Variants in NR3C1 observed in about 807,000 individuals in gnomAD.
The protein encoded by NR3C1 is nuclear receptor subfamily 3 group C member 1.
NR3C1 carries 14 observed loss-of-function variants against 74.0 expected under a neutral mutation model. The ratio of observed to expected loss-of-function variants is 0.19; its 90% CI spans 0.12 to 0.30. The LOEUF (loss-of-function observed/expected upper bound fraction) is 0.30. NR3C1 is among the 10% of genes least tolerant of loss of function. NR3C1 has a pLI of 1.00. For missense variants in NR3C1, 695 were observed against 909.8 expected, an observed-to-expected ratio of 0.76 and a Z score of 3.04; for synonymous variants, 308 against 332.5, an observed-to-expected ratio of 0.93 and a Z score of 0.80.
chr5:143,305,977 C>A (rs1333690613), intron 4 of NR3C1, among the ~76,000 whole-genome samples: 1 of 151,950 alleles, frequency 6.6e-6, no homozygotes, highest in African/African-American at 2.4e-5. Context: ...TCTGACAATG[C>A]CACAAGACTA....
chr5:143,365,159 C>A (rs189497651), intron 2 of NR3C1, among the ~76,000 whole-genome samples: 1 of 151,986 alleles, frequency 6.6e-6, no homozygotes, highest in African/African-American at 2.4e-5. Context: ...AATTTAAGAA[C>A]AAGAGACACA....
At chr5:143,431,078 T>A (rs1331645605) in intron 1 of NR3C1, among the ~76,000 whole-genome samples, 1 of 152,122 alleles carries the variant, frequency 6.6e-6, no homozygotes, top group African/African-American at 2.4e-5. Context: ...TCTTTGTGGT[T>A]TCATGGGATG....
intron 2 of NR3C1, among the ~76,000 whole-genome samples, chr5:143,330,384 T>C (rs901699457): frequency 6.6e-6 from 1 of 152,192 alleles, no homozygotes. Context: ...ATAAGCAAAA[T>C]AATAGTAAAT....
At position 143,315,576 on chromosome 5, in the gene NR3C1, GTC is replaced by G. The variant is rs559670268; in HGVS notation, c.1185-1410_1185-1409del. Among the ~76,000 whole-genome samples the G allele has an allele frequency of 6.4e-3, 975 of 152,198 alleles. 8 individuals are homozygous for G. Among genetic ancestry groups the G allele is most frequent in the Middle Eastern group, 0.027 (8 of 294 alleles). Reference sequence around the variant, plus strand: ...AATAAACTTAAATTGGGTGTTCGTTGTCTCTGTTATTCTTTATTATCTCTTGC... The same window carrying G: ...AATAAACTTAAATTGGGTGTTCGTTGTCTGTTATTCTTTATTATCTCTTGC... On this transcript the variant is annotated intron_variant, in intron 2 of 8. Coordinates refer to ENST00000394464, the MANE Select transcript of NR3C1 (RefSeq NM_000176.3).
At chr5:143,298,263 G>GGTCC (rs1180961118) in intron 6 of NR3C1, among the ~76,000 whole-genome samples, 6 of 152,094 alleles carry the variant, frequency 3.9e-5, no homozygotes, top group Non-Finnish European at 7.4e-5. Flanking sequence ...CTTGTGTCTG[G>GGTCC]GTCCATATGT....
chr5:143,344,708 A>G (rs1036260747), intron 2 of NR3C1, among the ~76,000 whole-genome samples: 1 of 152,094 alleles, frequency 6.6e-6, no homozygotes, highest in African/African-American at 2.4e-5. Flanking sequence ...CCTTGTCTCT[A>G]CTAAAAATAC....
chr5:143,360,913 T>C (rs1292493236), intron 2 of NR3C1, among the ~76,000 whole-genome samples: 1 of 152,200 alleles, frequency 6.6e-6, no homozygotes, highest in Non-Finnish European at 1.5e-5. Context: ...AGGTTTTATC[T>C]TGAGTCTATC....
chr5:143,362,467 T>C (rs1832447157), intron 2 of NR3C1, among the ~76,000 whole-genome samples: 2 of 151,662 alleles, frequency 1.3e-5, no homozygotes. Flanking sequence ...TTCATTCCAT[T>C]CTCCTGCCTC....
chr5:143,368,318 T>C (rs766266946), intron 2 of NR3C1, among the ~76,000 whole-genome samples: 55 of 152,116 alleles, frequency 3.6e-4, no homozygotes, highest in Non-Finnish European at 5.1e-4. Flanking sequence ...CAGTTTGACC[T>C]TAGATCAGGC....
chr5:143,281,796 AAAC>A lies in NR3C1; in HGVS notation c.*90_*92del, dbSNP rs1813153685. ...CAACAGATGAAAACAATAAAAAATA[AAAC>A]AACAAAACCTCTACAGGACAAACTG... On this transcript the variant is annotated 3_prime_UTR_variant, in exon 9 of 9. Transcript: ENST00000394464. The A allele has an allele frequency of 1.5e-6, 2 of 1,354,308 alleles. No homozygotes were observed. The highest frequency in any genetic ancestry group is 1.2e-5 in the South Asian group (1 of 82,018). 83.9% of individuals were successfully genotyped at this position (1,354,308 alleles called of 1,614,324 possible). A position where few individuals can be genotyped will look rare whatever the true frequency, so the allele number is the denominator to read the frequency against.
intron 7 of NR3C1, among the ~76,000 whole-genome samples, chr5:143,285,970 T>TG (rs1814343800): frequency 2.4e-5 from 2 of 81,894 alleles, no homozygotes; most frequent in African/African-American, 8.1e-5. Context: ...CCAGACTGAT[T>TG]AAAAAAAAAA....
At chr5:143,344,798 G>A (rs950842928) in intron 2 of NR3C1, among the ~76,000 whole-genome samples, 10 of 151,986 alleles carry the variant, frequency 6.6e-5, no homozygotes, top group African/African-American at 1.9e-4. Context: ...TCTTGAACCC[G>A]GGAGGTGGAG....
chr5:143,366,983 T>C (rs192407471), intron 2 of NR3C1, among the ~76,000 whole-genome samples: 51 of 152,246 alleles, frequency 3.3e-4, no homozygotes, highest in African/African-American at 1.2e-3. Flanking sequence ...CAGACCAATA[T>C]CCCTTATAAA....
At chr5:143,342,237 C>T (rs890131859) in intron 2 of NR3C1, among the ~76,000 whole-genome samples, 1 of 152,124 alleles carries the variant, frequency 6.6e-6, no homozygotes, top group Admixed American at 6.5e-5. Context: ...ATGACGGAGG[C>T]TAACTCTTGC....
chr5:143,336,711 C>T (rs562527960), intron 2 of NR3C1, among the ~76,000 whole-genome samples: 1 of 152,196 alleles, frequency 6.6e-6, no homozygotes, highest in African/African-American at 2.4e-5. Context: ...GTAGCTCATG[C>T]CTGTAATCCC....
At chr5:143,405,095 T>A (rs1841020203), upstream of NR3C1, 11 of 984,840 alleles carry the variant, frequency 1.1e-5, no homozygotes, top group Non-Finnish European at 1.2e-5. Flanking sequence ...CCAGCTCCCT[T>A]CCCCAGCTCG....
chr5:143,306,959 C>T (rs955874533), intron 4 of NR3C1, among the ~76,000 whole-genome samples: 3 of 130,160 alleles, frequency 2.3e-5, no homozygotes, highest in South Asian at 2.5e-4. Context: ...TGCAGTGGCG[C>T]GATCTTGGCT....
upstream of NR3C1, chr5:143,404,383 C>T (rs1840913300): frequency 2.0e-6 from 2 of 984,078 alleles, no homozygotes; most frequent in South Asian, 9.5e-5. Context: ...TACTTTGGGC[C>T]CGGGGGGAGT....
At chr5:143,379,657 G>A (rs1197985781) in intron 2 of NR3C1, among the ~76,000 whole-genome samples, 1 of 152,188 alleles carries the variant, frequency 6.6e-6, no homozygotes, top group East Asian at 1.9e-4. Context: ...ATAGAATGTG[G>A]TAGAAATATA....
Sources: allele counts gnomAD v4.1 joint callset (sites outside exome capture counted in the v4.1 genomes callset), GRCh38; gene constraint gnomAD v4.1.1; transcripts MANE v1.5; gene names NCBI Gene and HGNC (gene_info 2026-07-23, HGNC 2026-07-21).